The following LRRC71 variants were observed in gnomAD, a reference collection of about 807,000 sequenced individuals.
LRRC71 encodes leucine rich repeat containing 71, also known as leucine-rich repeat-containing protein 71.
In LRRC71, 54 loss-of-function variants were observed where a neutral mutation model predicts 66.6. The observed-to-expected ratio is 0.81, with a 90% CI of 0.65 to 1.02. The LOEUF is 1.02. Ranked by LOEUF, LRRC71 falls within the 50% of genes least tolerant of loss-of-function variation. The probability of loss-of-function intolerance (pLI) is 0.00; values close to 1 mark genes in which losing one functional copy is unlikely to be tolerated. For missense variants in LRRC71, 724 were observed against 718.0 expected (o/e 1.01, Z -0.10); for synonymous variants, 323 against 303.9 (o/e 1.06, Z -0.65).
At chr1:156,937,089 G>C, downstream of LRRC71, 5 of 1,570,280 alleles carry the variant, frequency 3.2e-6, no homozygotes, top group South Asian at 3.6e-5. Flanking sequence ...GGGCCTTGGG[G>C]AGGAGGGTGT....
intron 10 of LRRC71, 84 bp from the exon 11 acceptor site, chr1:156,929,552 G>GGTCCTAACC: frequency 2.0e-6 from 3 of 1,538,088 alleles, no homozygotes; most frequent in Non-Finnish European, 1.8e-6. Flanking sequence ...TAAGGCCCCG[G>GGTCCTAACC]GTCCTAACCT....
At chr1:156,931,842 A>G in intron 12 of LRRC71, 74 bp from the exon 13 acceptor site, 1 of 1,080,948 alleles carries the variant, frequency 9.3e-7, no homozygotes, top group Middle Eastern at 2.0e-4. Context: ...ATGTATGTTG[A>G]ATGAATGAAT....
the LRRC71 span, chr1:156,940,276 T>C: frequency 6.2e-7 from 1 of 1,613,248 alleles, no homozygotes; most frequent in East Asian, 2.2e-5. Flanking sequence ...TGGATGGGGT[T>C]CCTTGTCCTG....
At chr1:156,932,373 G>C (rs1654503726) in intron 13 of LRRC71, 51 bp from the exon 14 acceptor site, 11 of 1,450,726 alleles carry the variant, frequency 7.6e-6, no homozygotes, top group Non-Finnish European at 1.1e-5. Context: ...TGTGTCAGGT[G>C]CCAATGAGGC....
Position 156,927,487 on chromosome 1 carries a change from C to T in LRRC71, c.663-9C>T, listed in dbSNP as rs41314031. ...CCAGCGACCCACATTCTCCCTCCGG[C>T]TGCCCCAGGATTGCGCACTTGTCTC... On this transcript the variant is annotated splice_polypyrimidine_tract_variant and intron_variant, in intron 6 of 14. Coordinates refer to ENST00000337428, the MANE Select transcript of LRRC71 (RefSeq NM_144702.3). The T allele has an allele frequency of 0.024, 35,921 of 1,522,154 alleles. 543 individuals carry two copies. The highest frequency in any genetic ancestry group is 0.056 in the South Asian group (4,296 of 76,274). The allele number at this position is 1,522,154 out of a possible 1,614,324, so 94.3% of individuals were successfully genotyped here. A position where few individuals can be genotyped will look rare whatever the true frequency, so the allele number is the denominator to read the frequency against.
Position 156,925,033 on chromosome 1 carries a change from C to T in LRRC71, c.593+18C>T, listed in dbSNP as rs72698699. The T allele has an allele frequency of 0.19, 291,753 of 1,550,144 alleles. 28,645 individuals are homozygous for T. The highest frequency in any genetic ancestry group is 0.37 in the East Asian group (15,332 of 40,886). On this transcript the variant is annotated intron_variant, in intron 5 of 14. Coordinates refer to ENST00000337428, the MANE Select transcript of LRRC71 (RefSeq NM_144702.3). Reference sequence around the variant, plus strand: ...ACGCTCAGGTCAGCAGACTGGGAGGCCCCCTGTGCCTGGGAAGCCTGGCTG... The same window carrying T: ...ACGCTCAGGTCAGCAGACTGGGAGGTCCCCTGTGCCTGGGAAGCCTGGCTG...
downstream of LRRC71, among the ~76,000 whole-genome samples, chr1:156,934,569 G>GTA (rs1038559463): frequency 7.2e-5 from 11 of 152,016 alleles, no homozygotes; most frequent in Admixed American, 3.9e-4. Context: ...ATATATGTGT[G>GTA]TATATATATG....
chr1:156,927,681 G>A, intron 7 of LRRC71, 26 bp downstream of exon 7: 1 of 1,606,684 alleles, frequency 6.2e-7, no homozygotes, highest in Non-Finnish European at 8.5e-7. Flanking sequence ...GGAGGGACCT[G>A]CTGGGAGCAG....
intron 1 of LRRC71, among the ~76,000 whole-genome samples, chr1:156,922,912 G>A (rs1256698217): frequency 4.6e-5 from 7 of 152,240 alleles, no homozygotes; most frequent in East Asian, 1.9e-4. Context: ...TCCCAGCAGA[G>A]GGAAGTTTGG....
At chr1:156,935,733 G>A (rs1362861735), downstream of LRRC71, 3 of 474,768 alleles carry the variant, frequency 6.3e-6, no homozygotes, top group South Asian at 9.8e-5. Flanking sequence ...ATGGTGAGTG[G>A]GGGCCTTTCG....
At chr1:156,937,633 C>T, downstream of LRRC71, 1 of 916,838 alleles carries the variant, frequency 1.1e-6, no homozygotes, top group Non-Finnish European at 1.6e-6. Flanking sequence ...AGAACGTGGG[C>T]CTTGCTCACT....
chr1:156,920,963 G>C lies in LRRC71; in HGVS notation c.160G>C (p.Glu54Gln). Residue 54 changes from glutamate (E) to glutamine (Q), a missense_variant and splice_region_variant, in exon 1 of 15, where the codon GAG becomes CAG. Physicochemically the swap from Glu to Gln is conservative, Grantham distance 29. Transcript: ENST00000337428. The surrounding 1 kb of genome is among the most constrained non-coding windows in gnomAD (Gnocchi z 4.9). ...GGGGGAGGAGGAGCCCAAAAGCCCT[G>C]GTACGCTGGCGCCGGGGTTTGGGGA... ...PVGEEEPKSP[E>Q]EYQCSGVLET... The C allele has an allele frequency of 2.7e-6, 4 of 1,502,484 alleles. No individual in the cohort carries two copies. Among genetic ancestry groups the C allele is most frequent in the East Asian group, 2.6e-5 (1 of 38,508 alleles). 93.1% of individuals were successfully genotyped at this position (1,502,484 alleles called of 1,614,324 possible).
the LRRC71 span, chr1:156,940,425 C>A: frequency 1.3e-6 from 2 of 1,596,812 alleles, no homozygotes; most frequent in Non-Finnish European, 1.7e-6. Context: ...GGACCCAGTG[C>A]CTGTTTCGGA....
At chr1:156,927,442 G>T (rs1043855471) in intron 6 of LRRC71, 54 bp from the exon 7 acceptor site, 1 of 1,520,756 alleles carries the variant, frequency 6.6e-7, no homozygotes, top group Non-Finnish European at 8.8e-7. Context: ...CCATATTCCG[G>T]CGGACGCCCT....
chr1:156,930,338 C>T (rs1654177432), intron 11 of LRRC71, among the ~76,000 whole-genome samples, 191 bp from the exon 12 acceptor site: 2 of 151,796 alleles, frequency 1.3e-5, no homozygotes, highest in Admixed American at 1.3e-4. Flanking sequence ...GGAGATCCTC[C>T]TGCTTCGGCC....
chr1:156,924,054 C>A lies in LRRC71; in HGVS notation c.266C>A (p.Pro89Gln). The change falls in exon 2 of 15, where the codon CCG (proline) becomes CAG (glutamine). Residue 89 changes from proline to glutamine, a missense_variant. Coordinates refer to ENST00000337428, the MANE Select transcript of LRRC71 (RefSeq NM_144702.3). ...GTTGTCAACCGGCCCCGCCCCCACC[C>A]GCCCTTCGTCCCCTCCGCCTCTTTG... Reference protein sequence around the residue: ...PKVVNRPRPHPPFVPSASLSE... With the variant: ...PKVVNRPRPHQPFVPSASLSE... The A allele has an allele frequency of 6.5e-7, 1 of 1,548,392 alleles. No homozygotes were observed. Among genetic ancestry groups the A allele is most frequent in the Non-Finnish European group, 8.7e-7 (1 of 1,145,710 alleles).
At chr1:156,937,208 G>C (rs774110024), downstream of LRRC71, 5 of 1,611,984 alleles carry the variant, frequency 3.1e-6, no homozygotes, top group Non-Finnish European at 3.4e-6. Context: ...TTGGGGTGAT[G>C]GACTGAAGGC....
intron 3 of LRRC71, 22 bp downstream of exon 3, chr1:156,924,574 C>T (rs564435610): frequency 6.4e-7 from 1 of 1,551,266 alleles, no homozygotes; most frequent in Admixed American, 2.0e-5. Flanking sequence ...TCCCCCCACC[C>T]GCCCCAGCTC....
At chr1:156,940,092 C>A in the LRRC71 span, 2 of 1,413,890 alleles carry the variant, frequency 1.4e-6, no homozygotes, top group Non-Finnish European at 1.9e-6. Flanking sequence ...ATCCATCTCT[C>A]CTCAAGCACA....
Sources: gnomAD v4.1 joint callset for allele counts (sites outside exome capture counted in the v4.1 genomes callset) on GRCh38, gnomAD v4.1.1 for gene constraint, Gnocchi (gnomAD v3.1) non-coding constraint, MANE v1.5 for transcripts, NCBI Gene and HGNC (gene_info 2026-07-23, HGNC 2026-07-21) for gene names.